Variants in TMEM192 observed in about 807,000 individuals in gnomAD.
The protein encoded by TMEM192 is transmembrane protein 192.
Under a neutral mutation model 26.7 loss-of-function variants are expected in TMEM192, and 20 were observed. The observed-to-expected ratio is 0.75, with a 90% CI of 0.53 to 1.09. TMEM192 has a LOEUF of 1.09. Ranked by LOEUF, TMEM192 falls within the 50% of genes least tolerant of loss-of-function variation. The pLI is 0.00. For missense variants in TMEM192, 304 were observed against 322.6 expected (o/e 0.94, Z 0.44); for synonymous variants, 124 against 121.0 (o/e 1.02, Z -0.16).
At chr4:165,088,650 A>G (rs1734682612) in intron 3 of TMEM192, 48 bp from the exon 4 acceptor site, 2 of 1,556,194 alleles carry the variant, frequency 1.3e-6, no homozygotes, top group Admixed American at 1.9e-5. Context: ...AAATACATAT[A>G]TGGTCTTTGT....
At chr4:165,095,935 A>G (rs1220833740) in intron 3 of TMEM192, among the ~76,000 whole-genome samples, 1 of 141,332 alleles carries the variant, frequency 7.1e-6, no homozygotes, top group Non-Finnish European at 1.5e-5. Context: ...CCACCACCCC[A>G]GTCATGCCCA....
rs1236058179 is a variant in TMEM192, at chr4:165,071,164, CA to C, written c.*8493del. 1.3e-5 allele frequency: 2 copies of C among 151,970 alleles called. No individual in the cohort carries two copies. Among genetic ancestry groups the C allele is most frequent in the Admixed American group, 6.6e-5 (1 of 15,226 alleles). 9.4% of individuals were successfully genotyped at this position (151,970 alleles called of 1,614,324 possible). ...TAAAGTTAAATTTATAAATTAGGCACAGAGAGTAACAACATTAATAACAAAA... is the reference window on the plus strand; with the variant it reads ...TAAAGTTAAATTTATAAATTAGGCACGAGAGTAACAACATTAATAACAAAA... On this transcript the variant is annotated 3_prime_UTR_variant, in exon 6 of 6. Transcript: ENST00000306480.
In TMEM192 at chr4:165,103,038, A is replaced by G; in HGVS notation, c.86T>C (p.Leu29Pro). 2 of 1,613,492 alleles carry G rather than the reference A, an allele frequency of 1.2e-6. No homozygotes were observed. The highest frequency in any genetic ancestry group is 1.7e-6 in the Non-Finnish European group (2 of 1,179,724). Residue 29 changes from leucine to proline, a missense_variant, in exon 2 of 6, where the codon CTC (leucine) becomes CCC (proline). Transcript: ENST00000306480. ...EDDPLLDAQL[L>P]PHHSLQAHFR... Reference sequence around the variant, plus strand: ...GTGAGCTTGTAATGAGTGGTGTGGGAGAAGCTGGGCATCCAGAAGTGGGTC... The same window carrying G: ...GTGAGCTTGTAATGAGTGGTGTGGGGGAAGCTGGGCATCCAGAAGTGGGTC...
Position 165,071,580 on chromosome 4 carries a change from A to T in TMEM192, c.*8078T>A, listed in dbSNP as rs1734274091. ...AGTGCTGGGATTACAGGGGTTAGCC[A>T]CCACACCTGGCCACAAGTGACATTT... is the stretch of plus-strand genomic sequence containing the variant. On this transcript the variant is annotated 3_prime_UTR_variant, in exon 6 of 6. Coordinates refer to ENST00000306480, the MANE Select transcript of TMEM192 (RefSeq NM_001100389.2). The T allele has an allele frequency of 6.6e-6, 1 of 152,346 alleles. No individual in the cohort carries two copies. Among genetic ancestry groups the T allele is most frequent in the Non-Finnish European group, 1.5e-5 (1 of 68,176 alleles). The allele number at this position is 152,346 out of a possible 1,614,324, so 9.4% of individuals were successfully genotyped here. A position where few individuals can be genotyped will look rare whatever the true frequency, so the allele number is the denominator to read the frequency against.
At chr4:165,093,139 A>G (rs1734809373) in intron 3 of TMEM192, among the ~76,000 whole-genome samples, 1 of 124,290 alleles carries the variant, frequency 8.0e-6, no homozygotes, top group Non-Finnish European at 1.6e-5. Context: ...CTCTGTCACC[A>G]AGGCTGGAGC....
chr4:165,100,968 ATT>A (rs1735026595), intron 2 of TMEM192, 76 bp from the exon 3 acceptor site: 2 of 1,058,768 alleles, frequency 1.9e-6, no homozygotes, highest in Non-Finnish European at 2.5e-6. Context: ...CCCAGCATAC[ATT>A]CTTTTTTTTT....
In TMEM192 at chr4:165,079,753, T is replaced by C; in HGVS notation, c.721A>G (p.Thr241Ala). 1 of 1,614,100 alleles carries C rather than the reference T, an allele frequency of 6.2e-7. No homozygotes were observed. The highest frequency in any genetic ancestry group is 8.5e-7 in the Non-Finnish European group (1 of 1,179,990). ...TTGTGTCGCTTCAGGTATTCAATGGTGTCTCCTTGCTTTTCAACAATTTCT... is the reference window on the plus strand; with the variant it reads ...TTGTGTCGCTTCAGGTATTCAATGGCGTCTCCTTGCTTTTCAACAATTTCT... ...LEEIVEKQGDTIEYLKRHNAL... is the reference protein window; with the variant it reads ...LEEIVEKQGDAIEYLKRHNAL... Residue 241 changes from threonine to alanine, a missense_variant, in exon 6 of 6, where the codon ACC becomes GCC. Coordinates refer to ENST00000306480, the MANE Select transcript of TMEM192 (RefSeq NM_001100389.2).
At chr4:165,097,832 A>C (rs2110776956) in intron 3 of TMEM192, among the ~76,000 whole-genome samples, 1 of 151,292 alleles carries the variant, frequency 6.6e-6, no homozygotes, top group Non-Finnish European at 1.5e-5. Context: ...TTTGAAATAG[A>C]GATTTATTTA....
At chr4:165,095,177 G>A (rs1734866170) in intron 3 of TMEM192, among the ~76,000 whole-genome samples, 1 of 151,966 alleles carries the variant, frequency 6.6e-6, no homozygotes, top group Admixed American at 6.6e-5. Flanking sequence ...ATAAGATGGG[G>A]GAAATAATGC....
At chr4:165,094,615 C>G (rs543502982) in intron 3 of TMEM192, among the ~76,000 whole-genome samples, 1 of 151,214 alleles carries the variant, frequency 6.6e-6, no homozygotes, top group African/African-American at 2.4e-5. Context: ...TGAGATCGTG[C>G]TATTGCACTC....
chr4:165,102,215 A>G (rs568775273), intron 2 of TMEM192, among the ~76,000 whole-genome samples: 5 of 152,334 alleles, frequency 3.3e-5, no homozygotes, highest in African/African-American at 1.2e-4. Flanking sequence ...TCTGCTAAAC[A>G]TTATTCCCTA....
intron 1 of TMEM192, among the ~76,000 whole-genome samples, chr4:165,108,218 G>A (rs1735214035): frequency 7.4e-6 from 1 of 135,980 alleles, no homozygotes; most frequent in Non-Finnish European, 1.5e-5. Context: ...TGCCTCCTGC[G>A]TTCACACCAT....
Position 165,103,086 on chromosome 4 carries a change from T to G in TMEM192, c.38A>C (p.Asp13Ala), listed in dbSNP as rs1195809920. 1 of 1,609,632 alleles carries G rather than the reference T, an allele frequency of 6.2e-7. No individual in the cohort carries two copies. The highest frequency in any genetic ancestry group is 1.1e-5 in the South Asian group (1 of 90,346). Residue 13 changes from aspartate to alanine, a missense_variant, in exon 2 of 6, where the codon GAT (aspartate) becomes GCT (alanine). Transcript: ENST00000306480. ...AGGRMEDGSL[D>A]ITQSIEDDPL... ...GTCGTCTTCAATACTCTGGGTGATA[T>G]CCAAGGAACCCTGGGGTGCAGAAAA...
intron 3 of TMEM192, among the ~76,000 whole-genome samples, chr4:165,097,693 A>G (rs1734946276): frequency 6.6e-6 from 1 of 150,636 alleles, no homozygotes; most frequent in Non-Finnish European, 1.5e-5. Flanking sequence ...AGCTCACTGC[A>G]GCCTCAAACT....
At position 165,112,776 on chromosome 4, in the gene TMEM192, C is replaced by A; in HGVS notation, c.-3G>T. The A allele has an allele frequency of 6.2e-7, 1 of 1,607,666 alleles. No homozygotes were observed. ...TCCATCCTGCCCCCCGCCGCCATTT[C>A]CCGACGCCGGAGGCCGAAGCCCTGG... is the stretch of plus-strand genomic sequence containing the variant. On this transcript the variant is annotated 5_prime_UTR_variant, in exon 1 of 6. Transcript: ENST00000306480.
rs1013503318 is a variant in TMEM192, at chr4:165,078,067, C to G, written c.*1591G>C. 6.6e-6 allele frequency: 1 copy of G among 151,882 alleles called. No individual in the cohort carries two copies. The highest frequency in any genetic ancestry group is 2.1e-4 in the South Asian group (1 of 4,820). The allele number at this position is 151,882 out of a possible 1,614,324, so 9.4% of individuals were successfully genotyped here. On this transcript the variant is annotated 3_prime_UTR_variant, in exon 6 of 6. Transcript: ENST00000306480. Reference sequence around the variant, plus strand: ...GCATGAGCAACTGCTCCCAGCCATACACAATCATCTTTATCTTAGTAGAAA... The same window carrying G: ...GCATGAGCAACTGCTCCCAGCCATAGACAATCATCTTTATCTTAGTAGAAA...
intron 3 of TMEM192, among the ~76,000 whole-genome samples, chr4:165,098,200 C>G (rs1480974753): frequency 1.3e-5 from 2 of 151,938 alleles, no homozygotes; most frequent in African/African-American, 2.4e-5. Context: ...TTGCAGCTCA[C>G]TGCAACCTCT....
intron 3 of TMEM192, among the ~76,000 whole-genome samples, chr4:165,100,234 A>G (rs1735006389): frequency 6.8e-6 from 1 of 146,376 alleles, no homozygotes; most frequent in Non-Finnish European, 1.5e-5. Flanking sequence ...GTCTCAGCTC[A>G]CTGCAACCTC....
chr4:165,106,377 T>A (rs1318432021), intron 1 of TMEM192, among the ~76,000 whole-genome samples: 3 of 152,140 alleles, frequency 2.0e-5, no homozygotes, highest in East Asian at 1.9e-4. Context: ...AGACAAACAT[T>A]CGTGTTTCTC....
Sources: gnomAD v4.1 joint callset for allele counts (sites outside exome capture counted in the v4.1 genomes callset) on GRCh38, gnomAD v4.1.1 for gene constraint, MANE v1.5 for transcripts, NCBI Gene and HGNC (gene_info 2026-07-23, HGNC 2026-07-21) for gene names.